The following CNTNAP2 variants were observed in gnomAD, a reference collection of about 807,000 sequenced individuals.
CNTNAP2 encodes contactin associated protein 2.
Under a neutral mutation model 155.2 loss-of-function variants are expected in CNTNAP2, and 98 were observed. The observed-to-expected ratio is 0.63, with a 90% confidence interval of 0.54 to 0.75. CNTNAP2 has a LOEUF of 0.75. CNTNAP2 is among the 30% of genes least tolerant of loss of function. The pLI is 0.00. For synonymous variants in CNTNAP2, 651 were observed against 631.2 expected (o/e 1.03, Z -0.47); for missense variants, 1,727 against 1,688.1 (o/e 1.02, Z -0.40).
chr7:146,241,847 C>T (rs1237044404), intron 1 of CNTNAP2, among the ~76,000 whole-genome samples: 1 of 151,574 alleles, frequency 6.6e-6, no homozygotes, highest in Non-Finnish European at 1.5e-5. Flanking sequence ...CAAACACACA[C>T]GCACACACAC....
At chr7:146,151,260 C>A (rs1798032902) in intron 1 of CNTNAP2, among the ~76,000 whole-genome samples, 1 of 152,050 alleles carries the variant, frequency 6.6e-6, no homozygotes, top group Middle Eastern at 3.4e-3. Flanking sequence ...CAGTTTTCAA[C>A]TATGCAATAC....
chr7:148,267,284 CAA>C (rs1796690523), intron 21 of CNTNAP2, among the ~76,000 whole-genome samples, 158 bp downstream of exon 21: 1 of 151,714 alleles, frequency 6.6e-6, no homozygotes, highest in East Asian at 1.9e-4. Context: ...CGGTGTTGCA[CAA>C]GCAAAGCGTC....
chr7:146,240,593 T>C (rs1799545015), intron 1 of CNTNAP2, among the ~76,000 whole-genome samples: 1 of 151,712 alleles, frequency 6.6e-6, no homozygotes, highest in East Asian at 1.9e-4. Context: ...TAATATATAA[T>C]TATATATCTA....
At chr7:147,148,670 C>T (rs966943206) in intron 8 of CNTNAP2, among the ~76,000 whole-genome samples, 1 of 152,162 alleles carries the variant, frequency 6.6e-6, no homozygotes, top group Non-Finnish European at 1.5e-5. Context: ...CCTGTGGGTT[C>T]GTGGTCTCAC....
intron 4 of CNTNAP2, among the ~76,000 whole-genome samples, chr7:147,084,768 T>C (rs889605678): frequency 2.7e-5 from 4 of 148,088 alleles, no homozygotes; most frequent in Admixed American, 6.8e-5. Context: ...ATATATGATA[T>C]ATAATATGTA....
intron 3 of CNTNAP2, among the ~76,000 whole-genome samples, chr7:147,043,385 T>C (rs1799296132): frequency 6.6e-6 from 1 of 152,238 alleles, no homozygotes; most frequent in South Asian, 2.1e-4. Flanking sequence ...AACATGTTTC[T>C]GATCCATTGA....
intron 3 of CNTNAP2, among the ~76,000 whole-genome samples, chr7:146,882,208 C>G (rs1252406328): frequency 6.6e-6 from 1 of 152,030 alleles, no homozygotes; most frequent in Non-Finnish European, 1.5e-5. Flanking sequence ...ATTCAACCCA[C>G]CTTTGATAGG....
At chr7:146,593,165 T>A (rs931804279) in intron 1 of CNTNAP2, among the ~76,000 whole-genome samples, 3 of 150,828 alleles carry the variant, frequency 2.0e-5, no homozygotes, top group African/African-American at 7.3e-5. Context: ...ATTATTATTA[T>A]TAATATTATT....
chr7:147,011,614 T>C (rs751740358), intron 3 of CNTNAP2, among the ~76,000 whole-genome samples: 2 of 148,944 alleles, frequency 1.3e-5, no homozygotes, highest in Non-Finnish European at 3.0e-5. Context: ...AAGCAAAGTT[T>C]ATCTCTGGCC....
chr7:148,260,435 A>G (rs939130668), intron 20 of CNTNAP2, among the ~76,000 whole-genome samples: 4 of 152,212 alleles, frequency 2.6e-5, no homozygotes, highest in Admixed American at 2.6e-4. Context: ...AGCCTTGTAC[A>G]CAGCAGTTGC....
intron 13 of CNTNAP2, among the ~76,000 whole-genome samples, chr7:147,890,046 AG>A (rs150842897): frequency 0.033 from 5,061 of 152,314 alleles, 129 homozygotes; most frequent in Non-Finnish European, 0.053. Context: ...TTACAAAAAA[AG>A]CTTAAAGCAA....
At chr7:148,331,183 GA>G (rs2116559334) in intron 21 of CNTNAP2, among the ~76,000 whole-genome samples, 1 of 151,026 alleles carries the variant, frequency 6.6e-6, no homozygotes, top group African/African-American at 2.5e-5. Context: ...TGGATGGATG[GA>G]ATGGATGGAC....
At chr7:146,997,519 C>T (rs1409902746) in intron 3 of CNTNAP2, among the ~76,000 whole-genome samples, 1 of 151,962 alleles carries the variant, frequency 6.6e-6, no homozygotes, top group Non-Finnish European at 1.5e-5. Flanking sequence ...GGAATATTGG[C>T]CAGTAGTTTG....
chr7:148,308,729 C>T (rs1212865649), intron 21 of CNTNAP2, among the ~76,000 whole-genome samples: 1 of 151,018 alleles, frequency 6.6e-6, no homozygotes, highest in Non-Finnish European at 1.5e-5. Context: ...TCCCCTAGCC[C>T]TCCCACCCCC....
At chr7:146,718,042 C>T (rs1277304544) in intron 1 of CNTNAP2, among the ~76,000 whole-genome samples, 1 of 152,114 alleles carries the variant, frequency 6.6e-6, no homozygotes, top group Non-Finnish European at 1.5e-5. Flanking sequence ...TTTTAGGCAG[C>T]AGCCAATAAA....
At chr7:147,549,626 A>G (rs1488848009) in intron 11 of CNTNAP2, among the ~76,000 whole-genome samples, 6 of 152,338 alleles carry the variant, frequency 3.9e-5, no homozygotes, top group South Asian at 2.1e-4. Flanking sequence ...GGGAACCCAT[A>G]TACTTGACAG....
chr7:147,796,340 A>T (rs1428897706), intron 13 of CNTNAP2, among the ~76,000 whole-genome samples: 1 of 152,240 alleles, frequency 6.6e-6, no homozygotes, highest in Non-Finnish European at 1.5e-5. Flanking sequence ...GGGAGAATAA[A>T]CACAGTGGCA....
intron 1 of CNTNAP2, among the ~76,000 whole-genome samples, chr7:146,302,273 T>C (rs960967202): frequency 6.6e-6 from 1 of 152,182 alleles, no homozygotes; most frequent in Admixed American, 6.5e-5. Flanking sequence ...TATTTACAGA[T>C]GATTTAAAAA....
At chr7:147,961,749 A>G (rs2141955) in intron 14 of CNTNAP2, among the ~76,000 whole-genome samples, 43,696 of 152,086 alleles carry the variant, frequency 0.29, 7,452 homozygotes, top group East Asian at 0.57. Flanking sequence ...CTGGCATTAC[A>G]ATTTTTATTT....
Sources: allele counts gnomAD v4.1 joint callset (sites outside exome capture counted in the v4.1 genomes callset), GRCh38; gene constraint gnomAD v4.1.1; transcripts MANE v1.5; gene names NCBI Gene and HGNC (gene_info 2026-07-23, HGNC 2026-07-21).